Variants in PSD3 observed in about 807,000 individuals in gnomAD.
PSD3 encodes pleckstrin and Sec7 domain containing 3, also known as PH and SEC7 domain-containing protein 3.
In PSD3, 49 loss-of-function variants were observed where a neutral mutation model predicts 105.5. That is an observed-to-expected ratio of 0.46 (90% confidence interval 0.37 to 0.59). The LOEUF is 0.59. PSD3 is among the 20% of genes least tolerant of loss of function. The pLI is 0.00. For missense variants in PSD3, 1,561 were observed against 1,263.8 expected, an observed-to-expected ratio of 1.24 and a Z score of -3.57; for synonymous variants, 557 against 457.8, an observed-to-expected ratio of 1.22 and a Z score of -2.77.
intron 14 of PSD3, among the ~76,000 whole-genome samples, chr8:18,568,838 C>T (rs6992225): frequency 0.85 from 128,360 of 150,730 alleles, 56,044 homozygotes; most frequent in Non-Finnish European, 0.95. Flanking sequence ...GTATATCTCC[C>T]GATGCTATCC....
chr8:18,949,866 A>T (rs1563454568), intron 1 of PSD3, among the ~76,000 whole-genome samples: 1 of 151,902 alleles, frequency 6.6e-6, no homozygotes, highest in South Asian at 2.1e-4. Flanking sequence ...GTCTTGATAA[A>T]TTTTTTCATC....
At chr8:19,078,662 C>T (rs1424916230) in intron 1 of PSD3, among the ~76,000 whole-genome samples, 1 of 151,940 alleles carries the variant, frequency 6.6e-6, no homozygotes, top group Non-Finnish European at 1.5e-5. Context: ...GCCGCACCTA[C>T]CTCTGTGCCC....
chr8:19,075,470 G>T (rs1403204336), intron 1 of PSD3, among the ~76,000 whole-genome samples: 1 of 152,136 alleles, frequency 6.6e-6, no homozygotes, highest in Non-Finnish European at 1.5e-5. Flanking sequence ...TTACATTGTT[G>T]CTATATTCTT....
rs1346697872 is a variant in PSD3, at chr8:18,531,228, T to G, written c.*4515A>C. 6.6e-6 allele frequency: 1 copy of G among 152,670 alleles called. No homozygotes were observed. The highest frequency in any genetic ancestry group is 1.5e-5 in the Non-Finnish European group (1 of 68,050). The allele number at this position is 152,670 out of a possible 1,614,324, so 9.5% of individuals were successfully genotyped here. ...CTACTGTATATACAATTATGTAACTTGCAAAATTTTCCTGCTGTTGCATTC... is the reference window on the plus strand; with the variant it reads ...CTACTGTATATACAATTATGTAACTGGCAAAATTTTCCTGCTGTTGCATTC... On this transcript the variant is annotated 3_prime_UTR_variant, in exon 16 of 16. Coordinates refer to ENST00000327040, the MANE Select transcript of PSD3 (RefSeq NM_015310.4).
At chr8:18,633,471 C>T (rs969050884) in intron 10 of PSD3, among the ~76,000 whole-genome samples, 6 of 151,964 alleles carry the variant, frequency 3.9e-5, no homozygotes, top group Non-Finnish European at 7.4e-5. Context: ...CCATGTGTAC[C>T]CAATGTTTAG....
At chr8:19,047,383 A>G (rs1828357684) in intron 1 of PSD3, among the ~76,000 whole-genome samples, 1 of 152,174 alleles carries the variant, frequency 6.6e-6, no homozygotes, top group African/African-American at 2.4e-5. Flanking sequence ...CAAGATGCTC[A>G]TTTATTATAA....
chr8:18,605,470 T>C (rs1163240488), intron 11 of PSD3, among the ~76,000 whole-genome samples: 3 of 152,142 alleles, frequency 2.0e-5, no homozygotes, highest in Non-Finnish European at 2.9e-5. Flanking sequence ...TTGTTTTTGA[T>C]TTTACAGGTT....
intron 12 of PSD3, among the ~76,000 whole-genome samples, chr8:18,592,915 G>T (rs1403667531): frequency 6.6e-6 from 1 of 152,136 alleles, no homozygotes; most frequent in Non-Finnish European, 1.5e-5. Flanking sequence ...AAACTGGCTA[G>T]CCATATGTAG....
intron 2 of PSD3, among the ~76,000 whole-genome samples, chr8:18,907,980 A>G (rs539245553): frequency 1.3e-5 from 2 of 152,240 alleles, no homozygotes; most frequent in Non-Finnish European, 2.9e-5. Context: ...AATTTTAAGT[A>G]TGCAACGTGA....
chr8:19,055,974 C>T (rs1828696713), intron 1 of PSD3, among the ~76,000 whole-genome samples: 1 of 152,184 alleles, frequency 6.6e-6, no homozygotes, highest in African/African-American at 2.4e-5. Flanking sequence ...TGCTACACAC[C>T]TCCTTAAAGA....
intron 9 of PSD3, among the ~76,000 whole-genome samples, chr8:18,738,315 A>C (rs1260219806): frequency 2.0e-5 from 3 of 152,158 alleles, no homozygotes; most frequent in Admixed American, 2.0e-4. Context: ...AGGGCCTTAA[A>C]CAACTCACTA....
Position 18,677,747 on chromosome 8 carries a change from T to C in PSD3, c.2173-22062A>G, listed in dbSNP as rs142144600. Among the ~76,000 whole-genome samples the C allele has an allele frequency of 5.8e-3, 883 of 152,282 alleles. 11 individuals are homozygous for C. Among genetic ancestry groups the C allele is most frequent in the African/African-American group, 0.019 (802 of 41,564 alleles). On this transcript the variant is annotated intron_variant, in intron 9 of 15. Coordinates refer to ENST00000327040, the MANE Select transcript of PSD3 (RefSeq NM_015310.4). ...AACATGTTGACTGGGCACGGTGGCT[T>C]ACGCCTGTAATCTCAGCACTGTGGG...
intron 1 of PSD3, among the ~76,000 whole-genome samples, chr8:18,941,332 A>C (rs929487136): frequency 6.6e-6 from 1 of 152,148 alleles, no homozygotes; most frequent in Non-Finnish European, 1.5e-5. Flanking sequence ...CTATTGATAA[A>C]AAGTGTTACT....
chr8:18,671,643 T>C (rs1799789111), intron 9 of PSD3, among the ~76,000 whole-genome samples: 1 of 152,072 alleles, frequency 6.6e-6, no homozygotes, highest in Non-Finnish European at 1.5e-5. Context: ...TTTTTTGTTT[T>C]TTTTTTTGAG....
intron 9 of PSD3, among the ~76,000 whole-genome samples, chr8:18,681,039 G>A (rs73666690): frequency 6.6e-6 from 1 of 152,140 alleles, no homozygotes; most frequent in Non-Finnish European, 1.5e-5. Flanking sequence ...CATCAAAGAT[G>A]AAAGTTTCAA....
At chr8:18,809,725 A>C (rs560490756) in intron 4 of PSD3, among the ~76,000 whole-genome samples, 122 of 152,306 alleles carry the variant, frequency 8.0e-4, no homozygotes, top group African/African-American at 2.8e-3. Context: ...CTGGTAGCTT[A>C]TTCACAATTA....
chr8:18,736,387 C>G (rs1341948497), intron 9 of PSD3, among the ~76,000 whole-genome samples: 2 of 152,130 alleles, frequency 1.3e-5, no homozygotes, highest in African/African-American at 4.8e-5. Flanking sequence ...AGAATAATGC[C>G]TGGCACACCA....
chr8:18,989,686 C>T (rs1191822274), intron 1 of PSD3, among the ~76,000 whole-genome samples: 2 of 152,166 alleles, frequency 1.3e-5, no homozygotes, highest in African/African-American at 4.8e-5. Context: ...ATCTAAAAAC[C>T]AACAACAATA....
At chr8:18,899,181 C>T (rs942032363) in intron 2 of PSD3, among the ~76,000 whole-genome samples, 1 of 152,072 alleles carries the variant, frequency 6.6e-6, no homozygotes, top group Non-Finnish European at 1.5e-5. Flanking sequence ...CACTCATCTC[C>T]AGCAATTCAT....
Sources: gnomAD v4.1 joint callset for allele counts (sites outside exome capture counted in the v4.1 genomes callset) on GRCh38, gnomAD v4.1.1 for gene constraint, MANE v1.5 for transcripts, NCBI Gene and HGNC (gene_info 2026-07-23, HGNC 2026-07-21) for gene names.